The following PDE1C variants were observed in gnomAD, a reference collection of about 807,000 sequenced individuals.
PDE1C encodes dual specificity calcium/calmodulin-dependent 3',5'-cyclic nucleotide phosphodiesterase 1C.
PDE1C carries 62 observed loss-of-function variants against 93.1 expected under a neutral mutation model. That is an observed-to-expected ratio of 0.67 (90% CI 0.54 to 0.82). The LOEUF is 0.82. Ranked by LOEUF, PDE1C falls within the 40% of genes least tolerant of loss-of-function variation. PDE1C has a pLI of 0.00. For missense variants in PDE1C, 742 were observed against 884.6 expected, an observed-to-expected ratio of 0.84 and a Z score of 2.04; for synonymous variants, 325 against 310.1, an observed-to-expected ratio of 1.05 and a Z score of -0.50.
intron 3 of PDE1C, among the ~76,000 whole-genome samples, chr7:32,087,160 A>G (rs938807002): frequency 6.7e-6 from 1 of 149,206 alleles, no homozygotes; most frequent in African/African-American, 2.4e-5. Flanking sequence ...ATTTACAAGA[A>G]AAAAACAACC....
intron 1 of PDE1C, among the ~76,000 whole-genome samples, chr7:32,282,485 A>AAATAGATAGCTAGATAGATAGATAGATAG (rs1554300215): frequency 6.3e-5 from 9 of 143,930 alleles, no homozygotes; most frequent in East Asian, 6.2e-4. Context: ...TCAAAAAAAA[A>AAATAGATAGCTAGATAGATAGATAGATAG]ATAGATAGAT....
chr7:31,898,026 G>T (rs941181960), intron 2 of PDE1C, among the ~76,000 whole-genome samples: 884 of 46,628 alleles, frequency 0.019, 10 homozygotes, highest in African/African-American at 0.04. Flanking sequence ...TTCTTTGTGT[G>T]TGTGTGTGTG....
intron 1 of PDE1C, among the ~76,000 whole-genome samples, chr7:32,420,512 C>T (rs1785409272): frequency 6.8e-6 from 1 of 147,854 alleles, no homozygotes; most frequent in Non-Finnish European, 1.5e-5. Context: ...CGAGATGGTG[C>T]CACTGCACTC....
At chr7:32,236,538 AG>A (rs1808094391) in intron 1 of PDE1C, among the ~76,000 whole-genome samples, 1 of 151,922 alleles carries the variant, frequency 6.6e-6, no homozygotes, top group East Asian at 1.9e-4. Context: ...AGTCAAAAAA[AG>A]CACATAAAAA....
intron 1 of PDE1C, among the ~76,000 whole-genome samples, chr7:32,335,712 TTTTGTTTG>T (rs143519925): frequency 2.8e-4 from 42 of 151,298 alleles, no homozygotes; most frequent in Non-Finnish European, 5.6e-4. Flanking sequence ...GTTTTTGTTT[TTTTGTTTG>T]TTTGTTTGTT....
intron 2 of PDE1C, among the ~76,000 whole-genome samples, chr7:31,988,694 T>C (rs1224203822): frequency 6.6e-6 from 1 of 152,038 alleles, no homozygotes; most frequent in East Asian, 1.9e-4. Flanking sequence ...ACCCTGTCTC[T>C]TATAAAAACA....
intron 2 of PDE1C, among the ~76,000 whole-genome samples, chr7:31,939,331 A>G (rs117541520): frequency 0.011 from 1,612 of 152,274 alleles, 15 homozygotes; most frequent in Non-Finnish European, 0.019. Flanking sequence ...CAATGAATAG[A>G]CCACACCGCT....
At chr7:32,227,256 A>G (rs1807355057) in intron 1 of PDE1C, among the ~76,000 whole-genome samples, 1 of 152,104 alleles carries the variant, frequency 6.6e-6, no homozygotes, top group Admixed American at 6.5e-5. Context: ...CCAGCTGGAG[A>G]AGGAGCAGGG....
At chr7:32,040,441 T>A (rs1791666131) in intron 2 of PDE1C, among the ~76,000 whole-genome samples, 1 of 152,132 alleles carries the variant, frequency 6.6e-6, no homozygotes, top group Admixed American at 6.6e-5. Flanking sequence ...ATACCCCATA[T>A]CCAGAAGTGA....
chr7:32,082,775 G>C (rs1796784582), intron 3 of PDE1C, among the ~76,000 whole-genome samples: 1 of 152,218 alleles, frequency 6.6e-6, no homozygotes, highest in East Asian at 1.9e-4. Context: ...AACTCCAGCA[G>C]ACCTGCAGCT....
intron 1 of PDE1C, among the ~76,000 whole-genome samples, chr7:32,256,051 A>C (rs1428531555): frequency 6.6e-6 from 1 of 152,202 alleles, no homozygotes; most frequent in African/African-American, 2.4e-5. Context: ...CTGCTCAAAG[A>C]CTGAAGCAGA....
intron 1 of PDE1C, among the ~76,000 whole-genome samples, chr7:32,053,267 C>T (rs1033475908): frequency 2.0e-5 from 3 of 152,166 alleles, no homozygotes; most frequent in Non-Finnish European, 2.9e-5. Flanking sequence ...CATCAGCTCC[C>T]CAAGGGCAAG....
At chr7:31,977,552 CA>C (rs1425624138) in intron 2 of PDE1C, among the ~76,000 whole-genome samples, 1 of 152,170 alleles carries the variant, frequency 6.6e-6, no homozygotes, top group Non-Finnish European at 1.5e-5. Flanking sequence ...ACCTCCACCC[CA>C]TGTCACCACC....
chr7:32,356,976 C>T (rs1188221571), intron 1 of PDE1C, among the ~76,000 whole-genome samples: 1 of 152,124 alleles, frequency 6.6e-6, no homozygotes, highest in Non-Finnish European at 1.5e-5. Context: ...CCAAGATCTA[C>T]ACACACCACA....
chr7:32,411,367 T>A (rs1034075979), intron 1 of PDE1C, among the ~76,000 whole-genome samples: 1 of 152,238 alleles, frequency 6.6e-6, no homozygotes, highest in African/African-American at 2.4e-5. Context: ...CTGGGCTATA[T>A]GGTATCTTCT....
chr7:32,002,356 C>T lies in PDE1C; in HGVS notation c.128+49198G>A, dbSNP rs914614421. On this transcript the variant is annotated intron_variant, in intron 2 of 17. Coordinates refer to ENST00000396191, the MANE Select transcript of PDE1C (RefSeq NM_001191057.4). ...TGCTACCCAGCCAAAGCAGGAGGCA[C>T]CATGGAGCTGGCGGGCTGATGGCTG... Among the ~76,000 whole-genome samples the T allele has an allele frequency of 5.9e-5, 9 of 152,120 alleles. No homozygotes were observed. The East Asian group carries it at 1.7e-3, about 29-fold the overall frequency.
chr7:31,681,490 C>T, the PDE1C span, among the ~76,000 whole-genome samples: 1 of 152,128 alleles, frequency 6.6e-6, no homozygotes, highest in Admixed American at 6.5e-5. Context: ...TTTCTTCAGC[C>T]ACCCTAACTT....
chr7:32,179,660 A>T (rs1021832033), intron 2 of PDE1C, among the ~76,000 whole-genome samples: 2 of 152,188 alleles, frequency 1.3e-5, no homozygotes, highest in African/African-American at 2.4e-5. Flanking sequence ...AGAAAGCAAG[A>T]AAATGAGATA....
At chr7:32,252,391 G>T (rs958622767) in intron 1 of PDE1C, among the ~76,000 whole-genome samples, 10 of 152,190 alleles carry the variant, frequency 6.6e-5, no homozygotes, top group African/African-American at 2.4e-4. Context: ...TTAATTATTT[G>T]TTGATGATTT....
Sources: allele counts gnomAD v4.1 joint callset (sites outside exome capture counted in the v4.1 genomes callset), GRCh38; gene constraint gnomAD v4.1.1; transcripts MANE v1.5; gene names NCBI Gene and HGNC (gene_info 2026-07-23, HGNC 2026-07-21).